Variants in ADGRD1 observed in about 807,000 individuals in gnomAD.
ADGRD1 encodes the protein G-protein coupled receptor 133.
Under a neutral mutation model 113.4 loss-of-function variants are expected in ADGRD1, and 77 were observed. The observed-to-expected ratio is 0.68, with a 90% CI of 0.57 to 0.82. The LOEUF (loss-of-function observed/expected upper bound fraction) is 0.82, where lower values mean the gene tolerates loss of function less well. ADGRD1 is among the 40% of genes least tolerant of loss of function. The probability of loss-of-function intolerance (pLI) is 0.00; values close to 1 mark genes in which losing one functional copy is unlikely to be tolerated. For synonymous variants in ADGRD1, 474 were observed against 475.0 expected (o/e 1.00, Z 0.03); for missense variants, 1,036 against 1,139.1 (o/e 0.91, Z 1.30).
chr12:130,959,540 C>T (rs1032010407), intron 2 of ADGRD1, among the ~76,000 whole-genome samples: 2 of 152,180 alleles, frequency 1.3e-5, no homozygotes, highest in African/African-American at 4.8e-5. Flanking sequence ...CACTGCACTC[C>T]AGCCTTGGTG....
intron 22 of ADGRD1, 128 bp downstream of exon 22, chr12:131,136,291 CGG>C: frequency 8.8e-7 from 1 of 1,141,946 alleles, no homozygotes; most frequent in Non-Finnish European, 1.2e-6. Flanking sequence ...GCCTGTAATG[CGG>C]GGCATCCCCG....
intron 18 of ADGRD1, among the ~76,000 whole-genome samples, chr12:131,115,639 G>A (rs1321190966): frequency 2.6e-5 from 4 of 152,174 alleles, no homozygotes; most frequent in Non-Finnish European, 5.9e-5. Flanking sequence ...GAAGGTCACC[G>A]TGTTGCAAAG....
At chr12:130,960,510 C>G (rs1463102027) in intron 2 of ADGRD1, among the ~76,000 whole-genome samples, 8 of 152,062 alleles carry the variant, frequency 5.3e-5, no homozygotes, top group Non-Finnish European at 1.0e-4. Flanking sequence ...TAGAGATTTT[C>G]TAAATACTAG....
chr12:131,123,782 A>C (rs1950667842), intron 20 of ADGRD1, among the ~76,000 whole-genome samples: 1 of 150,826 alleles, frequency 6.6e-6, no homozygotes, highest in East Asian at 2.0e-4. Flanking sequence ...AGATTGCGCC[A>C]CTGCACTCCA....
rs1343486578 is a variant in ADGRD1 at position 131,138,220 on chromosome 12, C to G, written c.2520C>G (p.His840Gln). 6.2e-7 allele frequency: 1 copy of G among 1,613,198 alleles called. No individual in the cohort carries two copies. The change falls in exon 24 of 25, where the codon CAC (histidine) becomes CAG (glutamine). Residue 840 changes from histidine (H) to glutamine (Q), a missense_variant. Transcript: ENST00000261654. ...SARTSNAKPF[H>Q]SDLMNGTRPG... Reference sequence around the variant, plus strand: ...GCACCTCCAACGCGAAGCCCTTCCACTCGGACCTCGTGAGTGCAGCCTCCA... The same window carrying G: ...GCACCTCCAACGCGAAGCCCTTCCAGTCGGACCTCGTGAGTGCAGCCTCCA...
At chr12:131,031,614 C>A (rs547630289) in intron 13 of ADGRD1, among the ~76,000 whole-genome samples, 27 of 152,176 alleles carry the variant, frequency 1.8e-4, no homozygotes, top group Admixed American at 3.9e-4. Flanking sequence ...GGTCACCCAC[C>A]TGCCCCTCCC....
At chr12:131,099,545 C>A (rs1950020995) in intron 15 of ADGRD1, among the ~76,000 whole-genome samples, 1 of 152,180 alleles carries the variant, frequency 6.6e-6, no homozygotes, top group Non-Finnish European at 1.5e-5. Flanking sequence ...GTTTGCAGAC[C>A]CTGACGTGTG....
At chr12:131,079,501 C>G (rs972175258) in intron 14 of ADGRD1, among the ~76,000 whole-genome samples, 1 of 151,932 alleles carries the variant, frequency 6.6e-6, no homozygotes. Flanking sequence ...GGTAATGATA[C>G]CTTTATAAAA....
chr12:130,958,442 C>T (rs1012056486), intron 2 of ADGRD1, among the ~76,000 whole-genome samples: 2 of 152,050 alleles, frequency 1.3e-5, no homozygotes, highest in Non-Finnish European at 2.9e-5. Flanking sequence ...TCAGGTGATC[C>T]GCCTGCCTCG....
At chr12:131,108,966 G>A (rs1366157112) in intron 18 of ADGRD1, 89 bp downstream of exon 18, 2 of 441,014 alleles carry the variant, frequency 4.5e-6, no homozygotes, top group Non-Finnish European at 7.8e-6. Context: ...GATGAGACAG[G>A]TGGAAGTGGG....
intron 11 of ADGRD1, 117 bp downstream of exon 11, chr12:131,004,413 G>A (rs971382960): frequency 3.7e-5 from 29 of 782,556 alleles, no homozygotes; most frequent in South Asian, 8.0e-5. Context: ...CCCCCGGGCC[G>A]CCTGCGGTGC....
intron 15 of ADGRD1, among the ~76,000 whole-genome samples, chr12:131,103,481 C>T (rs1226682452): frequency 4.6e-5 from 7 of 152,280 alleles, no homozygotes; most frequent in Non-Finnish European, 7.3e-5. Flanking sequence ...GAGCCCACTC[C>T]GCTGTGAATC....
chr12:130,974,285 G>A (rs1043748828), intron 4 of ADGRD1, among the ~76,000 whole-genome samples: 2 of 152,080 alleles, frequency 1.3e-5, no homozygotes, highest in African/African-American at 4.8e-5. Context: ...GCCTTCTCAG[G>A]GGGCACCTGG....
chr12:131,092,538 T>C (rs925297634), intron 15 of ADGRD1, among the ~76,000 whole-genome samples: 2 of 151,990 alleles, frequency 1.3e-5, no homozygotes, highest in Non-Finnish European at 2.9e-5. Flanking sequence ...CGGTGCGCTC[T>C]TTCTTCCTGC....
In ADGRD1 at chr12:131,131,647, G is replaced by A. The variant is rs1163930393; in HGVS notation, c.2176-78G>A. ...TGGGCAGGGGTAGCCTGTGGTGAGG[G>A]CAGTGGCCAGGCGGACGCAGCTCTC... On this transcript the variant is annotated intron_variant, in intron 20 of 24. Coordinates refer to ENST00000261654, the MANE Select transcript of ADGRD1 (RefSeq NM_198827.5). 3.2e-5 allele frequency: 31 copies of A among 982,298 alleles called. 1 individual carries two copies. In the South Asian group the frequency reaches 4.1e-4, roughly 13 times the overall value. The allele number at this position is 982,298 out of a possible 1,614,324, so 60.8% of individuals were successfully genotyped here.
At chr12:131,112,364 G>A (rs1473000314) in intron 18 of ADGRD1, among the ~76,000 whole-genome samples, 1 of 152,164 alleles carries the variant, frequency 6.6e-6, no homozygotes, top group Non-Finnish European at 1.5e-5. Flanking sequence ...ATAGCTTGGG[G>A]CACATGATGC....
Position 131,121,030 on chromosome 12 carries a change from G to T in ADGRD1, c.2175+117G>T. On this transcript the variant is annotated intron_variant, in intron 20 of 24. Coordinates refer to ENST00000261654, the MANE Select transcript of ADGRD1 (RefSeq NM_198827.5). ...AGGAGCTTCCGAAGGATGCAGCGTCGTTCCTCGGTCACTCCTCGCTAGGGC... is the reference window on the plus strand; with the variant it reads ...AGGAGCTTCCGAAGGATGCAGCGTCTTTCCTCGGTCACTCCTCGCTAGGGC... 6 of 882,806 alleles carry T rather than the reference G, an allele frequency of 6.8e-6. No individual in the cohort carries two copies. In the East Asian group the frequency reaches 7.3e-5, roughly 11 times the overall value. The allele number at this position is 882,806 out of a possible 1,614,324, so 54.7% of individuals were successfully genotyped here.
rs970991823 is a variant in ADGRD1 at position 131,141,003 on chromosome 12, G to C, written c.*1740G>C. On this transcript the variant is annotated 3_prime_UTR_variant, in exon 25 of 25. Coordinates refer to ENST00000261654, the MANE Select transcript of ADGRD1 (RefSeq NM_198827.5). ...AGTCCCATGTTTAGCCACTGCCCCA[G>C]GCTCCCGTGACCCCAGAAACCAGGT... 1.3e-5 allele frequency: 2 copies of C among 152,264 alleles called. No individual in the cohort carries two copies. Among genetic ancestry groups the C allele is most frequent in the Admixed American group, 1.3e-4 (2 of 15,274 alleles). The allele number at this position is 152,264 out of a possible 1,614,324, so 9.4% of individuals were successfully genotyped here. A position where few individuals can be genotyped will look rare whatever the true frequency, so the allele number is the denominator to read the frequency against.
At chr12:131,125,915 C>T (rs1377344072) in intron 20 of ADGRD1, among the ~76,000 whole-genome samples, 1 of 152,156 alleles carries the variant, frequency 6.6e-6, no homozygotes, top group Non-Finnish European at 1.5e-5. Flanking sequence ...AAGTGAAAAA[C>T]TAGTTGTATA....
Sources: allele counts gnomAD v4.1 joint callset (sites outside exome capture counted in the v4.1 genomes callset), GRCh38; gene constraint gnomAD v4.1.1; transcripts MANE v1.5; gene names NCBI Gene and HGNC (gene_info 2026-07-23, HGNC 2026-07-21).